The following DLGAP1 variants were observed in gnomAD, a reference collection of about 807,000 sequenced individuals.
DLGAP1 encodes the protein disks large-associated protein 1.
In DLGAP1, 11 loss-of-function variants were observed where a neutral mutation model predicts 90.8. The observed-to-expected ratio is 0.12, with a 90% confidence interval of 0.08 to 0.20. The LOEUF is 0.20. Among genes scored for constraint, DLGAP1 ranks in the 10% least tolerant of loss-of-function variants. The probability of loss-of-function intolerance (pLI) is 1.00; values close to 1 mark genes in which losing one functional copy is unlikely to be tolerated. For missense variants in DLGAP1, 1,050 were observed against 1,333.8 expected (o/e 0.79, Z 3.31); for synonymous variants, 558 against 540.7 (o/e 1.03, Z -0.44).
intron 1 of DLGAP1, among the ~76,000 whole-genome samples, chr18:4,431,368 G>C (rs527310777): frequency 6.6e-6 from 1 of 152,258 alleles, no homozygotes; most frequent in South Asian, 2.1e-4. Context: ...GTGTTTGTTG[G>C]AAGTTATTGT....
intron 8 of DLGAP1, among the ~76,000 whole-genome samples, chr18:3,574,988 G>A (rs2055035760): frequency 6.6e-6 from 1 of 151,774 alleles, no homozygotes; most frequent in African/African-American, 2.4e-5. Flanking sequence ...CTAATTTTTT[G>A]TATCTTTAGT....
intron 1 of DLGAP1, among the ~76,000 whole-genome samples, chr18:4,203,144 G>A (rs11659783): frequency 0.51 from 77,724 of 151,576 alleles, 20,572 homozygotes; most frequent in Non-Finnish European, 0.58. Context: ...GCGTGGTGGC[G>A]GGTGCCTGTA....
At chr18:4,038,433 T>C (rs2074923357) in intron 2 of DLGAP1, among the ~76,000 whole-genome samples, 1 of 152,166 alleles carries the variant, frequency 6.6e-6, no homozygotes, top group African/African-American at 2.4e-5. Flanking sequence ...CAGAAGCCTA[T>C]AGGAGAGCAG....
At chr18:3,643,159 AC>A (rs921627239) in intron 7 of DLGAP1, among the ~76,000 whole-genome samples, 3 of 152,216 alleles carry the variant, frequency 2.0e-5, no homozygotes, top group African/African-American at 4.8e-5. Flanking sequence ...AGAATATACT[AC>A]AGAATTTTGA....
chr18:3,592,787 T>C (rs1462355279), intron 7 of DLGAP1, among the ~76,000 whole-genome samples: 2 of 123,634 alleles, frequency 1.6e-5, no homozygotes, highest in East Asian at 4.7e-4. Flanking sequence ...GAGGCCGCAA[T>C]GAGCCATGAC....
intron 2 of DLGAP1, among the ~76,000 whole-genome samples, chr18:4,100,587 C>T (rs759022822): frequency 8.5e-5 from 13 of 152,192 alleles, no homozygotes; most frequent in Non-Finnish European, 1.8e-4. Context: ...GTCAGCCTGT[C>T]CTTTGAAGCT....
intron 2 of DLGAP1, among the ~76,000 whole-genome samples, chr18:4,144,342 G>A (rs2076546387): frequency 6.6e-6 from 1 of 152,198 alleles, no homozygotes; most frequent in Non-Finnish European, 1.5e-5. Flanking sequence ...GCCTTCATGA[G>A]TGCTGGCTAA....
intron 2 of DLGAP1, among the ~76,000 whole-genome samples, chr18:4,130,131 T>C (rs9807563): frequency 0.37 from 56,801 of 152,022 alleles, 11,344 homozygotes; most frequent in African/African-American, 0.52. Flanking sequence ...ATAAGAACAT[T>C]AAATATTTTC....
chr18:3,822,023 A>AT (rs2067447361), intron 4 of DLGAP1: 200 of 897,696 alleles, frequency 2.2e-4, no homozygotes, highest in Middle Eastern at 5.8e-4. Flanking sequence ...TAGCAAAAAC[A>AT]GAAAAAAAAA....
intron 7 of DLGAP1, among the ~76,000 whole-genome samples, chr18:3,669,215 C>T (rs1598278533): frequency 6.6e-6 from 1 of 152,068 alleles, no homozygotes; most frequent in East Asian, 1.9e-4. Flanking sequence ...TCTTTAAAAT[C>T]TTGCGTATTA....
chr18:4,191,634 G>A (rs553369701), intron 1 of DLGAP1, among the ~76,000 whole-genome samples: 6 of 152,096 alleles, frequency 3.9e-5, no homozygotes, highest in South Asian at 2.1e-4. Context: ...AAAATCCTCC[G>A]AAGGCTCTAA....
intron 1 of DLGAP1, among the ~76,000 whole-genome samples, chr18:4,355,720 G>A (rs2081496323): frequency 7.4e-6 from 1 of 135,902 alleles, no homozygotes; most frequent in Non-Finnish European, 1.6e-5. Flanking sequence ...CTGGGTTAAA[G>A]TTACATGGGA....
intron 5 of DLGAP1, among the ~76,000 whole-genome samples, chr18:3,758,742 T>C (rs775232503): frequency 3.3e-5 from 5 of 152,184 alleles, no homozygotes; most frequent in Admixed American, 6.5e-5. Flanking sequence ...GTCATGCATA[T>C]GACTCATGCA....
At chr18:3,513,398 A>T (rs2050655549) in intron 10 of DLGAP1, among the ~76,000 whole-genome samples, 2 of 152,258 alleles carry the variant, frequency 1.3e-5, no homozygotes, top group Admixed American at 1.3e-4. Flanking sequence ...TCCTTGCCAC[A>T]GCCTTCTGAG....
At chr18:4,153,574 T>C (rs951775547) in intron 1 of DLGAP1, among the ~76,000 whole-genome samples, 1 of 152,196 alleles carries the variant, frequency 6.6e-6, no homozygotes, top group Admixed American at 6.5e-5. Context: ...AGCATCTATA[T>C]CTGAGAAAGA....
At chr18:3,803,199 CT>C (rs1268621225) in intron 5 of DLGAP1, among the ~76,000 whole-genome samples, 3 of 152,142 alleles carry the variant, frequency 2.0e-5, no homozygotes, top group Admixed American at 6.5e-5. Context: ...TGGACCCCCC[CT>C]AGCATTGTGG....
At chr18:4,398,162 T>A (rs1202014745) in intron 1 of DLGAP1, among the ~76,000 whole-genome samples, 1 of 152,112 alleles carries the variant, frequency 6.6e-6, no homozygotes, top group Non-Finnish European at 1.5e-5. Context: ...CCACATAAAA[T>A]CACATGAGGA....
intron 2 of DLGAP1, among the ~76,000 whole-genome samples, chr18:4,114,930 T>C (rs2076036466): frequency 6.6e-6 from 1 of 152,198 alleles, no homozygotes; most frequent in Non-Finnish European, 1.5e-5. Context: ...GATTGGATTG[T>C]ACATATTTAA....
In DLGAP1 at chr18:3,567,720, T is replaced by C. The variant is rs907455192; in HGVS notation, c.1966-139A>G. ...ATAACCTCCTTGTTCAATATTTGTGTACACTACCTTCACTGCACGCTCTTT... is the reference window on the plus strand; with the variant it reads ...ATAACCTCCTTGTTCAATATTTGTGCACACTACCTTCACTGCACGCTCTTT... On this transcript the variant is annotated intron_variant, in intron 8 of 12. Coordinates refer to ENST00000315677, the MANE Select transcript of DLGAP1 (RefSeq NM_004746.4). 5.6e-5 allele frequency: 41 copies of C among 734,534 alleles called. No individual in the cohort carries two copies. The East Asian group carries it at 6.2e-4, about 11-fold the overall frequency. 45.5% of individuals were successfully genotyped at this position (734,534 alleles called of 1,614,324 possible).
Sources: allele counts gnomAD v4.1 joint callset (sites outside exome capture counted in the v4.1 genomes callset), GRCh38; gene constraint gnomAD v4.1.1; transcripts MANE v1.5; gene names NCBI Gene and HGNC (gene_info 2026-07-23, HGNC 2026-07-21).